The following DNAH11 variants were observed in gnomAD, a reference collection of about 807,000 sequenced individuals.
DNAH11 encodes the protein axonemal beta dynein heavy chain 11.
A neutral mutation model predicts 526.0 loss-of-function variants in DNAH11; 442 were observed. The observed-to-expected ratio is 0.84, with a 90% CI of 0.78 to 0.91. The LOEUF (loss-of-function observed/expected upper bound fraction) is 0.91. Ranked by LOEUF, DNAH11 falls within the 40% of genes least tolerant of loss-of-function variation. The pLI is 0.00. For synonymous variants in DNAH11, 2,461 were observed against 1,935.9 expected, an observed-to-expected ratio of 1.27 and a Z score of -7.12; for missense variants, 6,989 against 5,448.7, an observed-to-expected ratio of 1.28 and a Z score of -8.90.
chr7:21,723,955 A>T (rs905559295), intron 44 of DNAH11, among the ~76,000 whole-genome samples: 1 of 152,242 alleles, frequency 6.6e-6, no homozygotes, highest in Non-Finnish European at 1.5e-5. Flanking sequence ...TTGTTGGCTT[A>T]GCCTCAGCTG....
chr7:21,876,446 C>T (rs923282940), intron 74 of DNAH11, among the ~76,000 whole-genome samples: 3 of 152,188 alleles, frequency 2.0e-5, no homozygotes, highest in African/African-American at 7.2e-5. Context: ...AGGGATTTAG[C>T]CTGTGCTCCC....
At chr7:21,637,235 C>T (rs1786905794) in intron 26 of DNAH11, among the ~76,000 whole-genome samples, 1 of 151,642 alleles carries the variant, frequency 6.6e-6, no homozygotes, top group Non-Finnish European at 1.5e-5. Context: ...TCTCCTTCTC[C>T]TCCCCCTCTG....
At chr7:21,789,508 C>T (rs1348714641) in intron 61 of DNAH11, among the ~76,000 whole-genome samples, 166 bp downstream of exon 61, 2 of 152,026 alleles carry the variant, frequency 1.3e-5, no homozygotes, top group African/African-American at 2.4e-5. Context: ...TATTTCTTAT[C>T]TGCTCTGTGG....
chr7:21,702,884 G>T (rs1014464386), intron 37 of DNAH11, 82 bp downstream of exon 37: 5 of 1,177,350 alleles, frequency 4.2e-6, no homozygotes, highest in Non-Finnish European at 4.9e-6. Flanking sequence ...GGATGGTGGG[G>T]CATGGACAGC....
intron 57 of DNAH11, among the ~76,000 whole-genome samples, chr7:21,780,405 A>G (rs937951859): frequency 6.6e-6 from 1 of 152,248 alleles, no homozygotes; most frequent in Non-Finnish European, 1.5e-5. Flanking sequence ...AAAAAGACAA[A>G]GCGTGTTATT....
chr7:21,899,364 G>A lies in DNAH11; in HGVS notation c.13078G>A (p.Glu4360Lys). 1 of 1,613,976 alleles carries A rather than the reference G, an allele frequency of 6.2e-7. No individual in the cohort carries two copies. Among genetic ancestry groups the A allele is most frequent in the Non-Finnish European group, 8.5e-7 (1 of 1,179,890 alleles). ...CAATGACCTCCTCCTGCGATGCCGA[G>A]AACTCGATACTTGGACACAAGACCT... is the stretch of plus-strand genomic sequence containing the variant. ...WFNDLLLRCRELDTWTQDLTL... is the reference protein window; with the variant it reads ...WFNDLLLRCRKLDTWTQDLTL... The change falls in exon 80 of 82, where the codon GAA becomes AAA. Residue 4360 changes from glutamate to lysine, a missense_variant. Transcript: ENST00000409508.
Position 21,659,023 on chromosome 7 carries a change from A to G in DNAH11, c.5320A>G (p.Lys1774Glu). The G allele has an allele frequency of 3.1e-6, 5 of 1,590,564 alleles. No individual in the cohort carries two copies. In the Middle Eastern group the frequency reaches 8.3e-4, roughly 265 times the overall value. Residue 1774 changes from lysine to glutamate, a missense_variant, in exon 30 of 82, where the codon AAA becomes GAA. Physicochemically the swap from Lys to Glu is moderately conservative, Grantham distance 56. Transcript: ENST00000409508. ...GYETALKDFHKKQISQLNTLI... is the reference protein window; with the variant it reads ...GYETALKDFHEKQISQLNTLI... ...CGAAACAGCCCTGAAGGATTTCCAT[A>G]AAAAACAGGTATTACATAGATTTGT...
At chr7:21,888,480 G>T (rs1002750857) in intron 76 of DNAH11, among the ~76,000 whole-genome samples, 12 of 152,000 alleles carry the variant, frequency 7.9e-5, no homozygotes, top group African/African-American at 2.4e-4. Flanking sequence ...CAACAAAGAT[G>T]ATTTCAATTT....
At chr7:21,588,487 T>C (rs1350365237) in intron 10 of DNAH11, 25 bp from the exon 11 acceptor site, 1 of 1,612,112 alleles carries the variant, frequency 6.2e-7, no homozygotes, top group Non-Finnish European at 8.5e-7. Flanking sequence ...CCTTTCTTCC[T>C]CTTCACCAAA....
At chr7:21,828,238 C>G (rs150146330) in intron 65 of DNAH11, among the ~76,000 whole-genome samples, 12 of 152,076 alleles carry the variant, frequency 7.9e-5, no homozygotes, top group Non-Finnish European at 5.9e-5. Flanking sequence ...CATGAGCCAC[C>G]GCGCCTGGCC....
At position 21,735,772 on chromosome 7, in the gene DNAH11, G is replaced by A. The variant is rs750754365; in HGVS notation, c.7573G>A (p.Ala2525Thr). 2 of 1,613,900 alleles carry A rather than the reference G, an allele frequency of 1.2e-6. No homozygotes were observed. The highest frequency in any genetic ancestry group is 1.7e-6 in the Non-Finnish European group (2 of 1,179,870). Reference protein sequence around the residue: ...GKTVFVGDTLASLSEDYIVSR... With the variant: ...GKTVFVGDTLTSLSEDYIVSR... ...AACAGTCTTTGTAGGTGACACATTG[G>A]CAAGTCTCTCTGAGGATTACATAGT... The change falls in exon 46 of 82, where the codon GCA becomes ACA. Residue 2525 changes from alanine (A) to threonine (T), a missense_variant. Ala to Thr is a moderately conservative substitution (Grantham distance 58, BLOSUM62 0). Transcript: ENST00000409508.
chr7:21,780,096 A>G (rs1787873857), intron 57 of DNAH11, among the ~76,000 whole-genome samples: 3 of 151,202 alleles, frequency 2.0e-5, no homozygotes, highest in Admixed American at 1.3e-4. Flanking sequence ...TATATTGAAC[A>G]TCAAAACTCT....
intron 7 of DNAH11, chr7:21,570,821 C>G (rs1783856726): frequency 6.7e-6 from 1 of 150,032 alleles, no homozygotes. Flanking sequence ...ACCTTAAAAC[C>G]AAAAATTAAA....
chr7:21,788,277 G>T (rs1788280563), intron 60 of DNAH11, among the ~76,000 whole-genome samples: 2 of 152,186 alleles, frequency 1.3e-5, no homozygotes, highest in Non-Finnish European at 1.5e-5. Context: ...GAAAAAGTCA[G>T]TGTAGTCAAT....
chr7:21,765,686 T>A, intron 55 of DNAH11, 97 bp downstream of exon 55: 1 of 1,385,656 alleles, frequency 7.2e-7, no homozygotes, highest in Non-Finnish European at 9.5e-7. Context: ...AGGTAAGTGC[T>A]TTCCACAGTA....
chr7:21,604,598 T>C (rs2128448273), intron 18 of DNAH11, among the ~76,000 whole-genome samples: 1 of 152,314 alleles, frequency 6.6e-6, no homozygotes, highest in East Asian at 1.9e-4. Context: ...TGAGCCTCAG[T>C]TTCAGTGTCA....
Position 21,716,709 on chromosome 7 carries a change from G to A in DNAH11, c.6984-1066G>A, listed in dbSNP as rs371894573. On this transcript the variant is annotated intron_variant, in intron 42 of 81. Coordinates refer to ENST00000409508, the MANE Select transcript of DNAH11 (RefSeq NM_001277115.2). ...ACTGACACCTGCTTTCCATTGTTCC[G>A]CGGTTCCCACTGTCGCTACCACACA... Among the ~76,000 whole-genome samples the A allele has an allele frequency of 1.2e-4, 18 of 152,160 alleles. No homozygotes were observed. The South Asian group carries it at 1.7e-3, about 14-fold the overall frequency.
chr7:21,798,848 A>T (rs1788835365), intron 61 of DNAH11, among the ~76,000 whole-genome samples: 1 of 152,042 alleles, frequency 6.6e-6, no homozygotes, highest in South Asian at 2.1e-4. Flanking sequence ...ATTTTTAATT[A>T]TTTTTGTTTT....
At chr7:21,673,314 A>G (rs1782719455) in intron 30 of DNAH11, among the ~76,000 whole-genome samples, 1 of 152,158 alleles carries the variant, frequency 6.6e-6, no homozygotes, top group Non-Finnish European at 1.5e-5. Flanking sequence ...AGGTAATCTT[A>G]TATTCTCATA....
Sources: allele counts gnomAD v4.1 joint callset (sites outside exome capture counted in the v4.1 genomes callset), GRCh38; gene constraint gnomAD v4.1.1; transcripts MANE v1.5; gene names NCBI Gene and HGNC (gene_info 2026-07-23, HGNC 2026-07-21).